MON1B: variants seen among roughly 807,000 people sequenced by gnomAD.
MON1B encodes vacuolar fusion protein MON1 homolog B.
Under a neutral mutation model 45.1 loss-of-function variants are expected in MON1B, and 26 were observed. That is an observed-to-expected ratio of 0.58 (90% CI 0.42 to 0.80). MON1B has a LOEUF of 0.80. Among genes scored for constraint, MON1B ranks in the 30% least tolerant of loss-of-function variants. The probability of loss-of-function intolerance (pLI) is 0.00; values close to 1 mark genes in which losing one functional copy is unlikely to be tolerated. For missense variants in MON1B, 737 were observed against 754.5 expected, an observed-to-expected ratio of 0.98 and a Z score of 0.27; for synonymous variants, 395 against 320.2, an observed-to-expected ratio of 1.23 and a Z score of -2.49.
chr16:77,194,031 T>A lies in MON1B; in HGVS notation c.475+254T>A. 1 of 601,172 alleles carries A rather than the reference T, an allele frequency of 1.7e-6. No individual in the cohort carries two copies. Among genetic ancestry groups the A allele is most frequent in the Non-Finnish European group, 2.9e-6 (1 of 339,016 alleles). 37.2% of individuals were successfully genotyped at this position (601,172 alleles called of 1,614,324 possible). On this transcript the variant is annotated intron_variant, in intron 3 of 5. Transcript: ENST00000248248. This position sits in a 1 kb window ranked among gnomAD's most constrained non-coding sequence, Gnocchi z 8.1. ...TCTGTGTCACCTGAGAGGATAACTGTGGGGGCTGTGTGGTTGAGCTGTGTC... is the reference window on the plus strand; with the variant it reads ...TCTGTGTCACCTGAGAGGATAACTGAGGGGGCTGTGTGGTTGAGCTGTGTC...
chr16:77,194,351 G>A lies in MON1B; in HGVS notation c.492G>A (p.Val164=), dbSNP rs776854701. ...CTTCCCTAGAGGACCACAAGCTGGT[G>A]TTCCTACAACAGGGCCCACTGTTGC... ...RAIYAEDHKL[V]FLQQGPLLLV... The change falls in exon 4 of 6, where the codon GTG becomes GTA. Residue 164 remains valine (V), a synonymous_variant. Coordinates refer to ENST00000248248, the MANE Select transcript of MON1B (RefSeq NM_014940.4). The surrounding 1 kb of genome is among the most constrained non-coding windows in gnomAD (Gnocchi z 8.1). The A allele has an allele frequency of 5.6e-6, 9 of 1,606,776 alleles. No homozygotes were observed. Among genetic ancestry groups the A allele is most frequent in the Middle Eastern group, 3.3e-4 (2 of 6,062 alleles).
At chr16:77,195,801 G>A (rs1482941733) in intron 5 of MON1B, 119 bp downstream of exon 5, 7 of 1,248,860 alleles carry the variant, frequency 5.6e-6, no homozygotes, top group Non-Finnish European at 7.8e-6. Context: ...GCTGGGCTGT[G>A]CCTTGCCTGC....
chr16:77,195,049 C>G lies in MON1B; in HGVS notation c.1190C>G (p.Ala397Gly). 6.2e-7 allele frequency: 1 copy of G among 1,610,958 alleles called. No individual in the cohort carries two copies. The highest frequency in any genetic ancestry group is 2.2e-5 in the East Asian group (1 of 44,858). Residue 397 changes from alanine (A) to glycine (G), a missense_variant, in exon 4 of 6, where the codon GCT becomes GGT. Physicochemically the swap from Ala to Gly is moderately conservative, Grantham distance 60 (BLOSUM62 0). Transcript: ENST00000248248. The stretch of plus-strand genomic sequence containing the variant: ...TTCTCTAATGCCTCATCAGCCAGTG[C>G]TCCTGCCTACAGCGTGCAGGCTGTC... ...ASFSNASSAS[A>G]PAYSVQAVGA... is the part of the protein sequence containing the mutation.
In MON1B at chr16:77,193,114, C is replaced by T. The variant is rs1238709085; in HGVS notation, c.149-337C>T. On this transcript the variant is annotated intron_variant, in intron 2 of 5. Transcript: ENST00000248248. The surrounding 1 kb of genome is among the most constrained non-coding windows in gnomAD (Gnocchi z 5.0). ...GGGATCATTGAAGATGAATAATCGTCATCCAGAGTCAATGGGGTGCTTTGA... is the reference window on the plus strand; with the variant it reads ...GGGATCATTGAAGATGAATAATCGTTATCCAGAGTCAATGGGGTGCTTTGA... Among the ~76,000 whole-genome samples the T allele has an allele frequency of 6.6e-6, 1 of 152,054 alleles. No homozygotes were observed. The highest frequency in any genetic ancestry group is 1.5e-5 in the Non-Finnish European group (1 of 68,002).
intron 4 of MON1B, 111 bp from the exon 5 acceptor site, chr16:77,195,424 G>A: frequency 7.5e-7 from 1 of 1,339,006 alleles, no homozygotes; most frequent in South Asian, 1.5e-5. Flanking sequence ...AAGTCTCATG[G>A]GAGAGGCTCA....
At chr16:77,191,326 G>GA in intron 1 of MON1B, 68 bp downstream of exon 1, 3 of 1,545,686 alleles carry the variant, frequency 1.9e-6, no homozygotes, top group Admixed American at 1.9e-5. Context: ...TTGGAGGGGG[G>GA]ACGTATTTGG....
rs1243476206 is a variant in MON1B, at chr16:77,199,502, G to A, written c.*1194G>A. Reference sequence around the variant, plus strand: ...ATGTGGAGGCGCCAGAAGCTACTGAGGAGGCTGAAGGTAGTGAGGGCAAGT... The same window carrying A: ...ATGTGGAGGCGCCAGAAGCTACTGAAGAGGCTGAAGGTAGTGAGGGCAAGT... On this transcript the variant is annotated 3_prime_UTR_variant, in exon 6 of 6. Transcript: ENST00000248248. The A allele has an allele frequency of 2.6e-6, 4 of 1,551,340 alleles. No individual in the cohort carries two copies. Among genetic ancestry groups the A allele is most frequent in the African/African-American group, 2.7e-5 (2 of 73,046 alleles).
rs573242650 is a variant in MON1B, at chr16:77,201,603, G to C, written c.*3295G>C. 6.6e-6 allele frequency: 1 copy of C among 152,256 alleles called. No homozygotes were observed. Among genetic ancestry groups the C allele is most frequent in the African/African-American group, 2.4e-5 (1 of 41,564 alleles). 9.4% of individuals were successfully genotyped at this position (152,256 alleles called of 1,614,324 possible). ...TCTTCCACTTCGGCAGTGACCATGC[G>C]ATGTAATCAAAGGAGAATACGTAAG... On this transcript the variant is annotated 3_prime_UTR_variant, in exon 6 of 6. Coordinates refer to ENST00000248248, the MANE Select transcript of MON1B (RefSeq NM_014940.4).
chr16:77,198,381 A>G lies in MON1B; in HGVS notation c.*73A>G, dbSNP rs1294185351. 8 of 1,488,462 alleles carry G rather than the reference A, an allele frequency of 5.4e-6. No individual in the cohort carries two copies. The highest frequency in any genetic ancestry group is 1.4e-5 in the African/African-American group (1 of 72,180). The allele number at this position is 1,488,462 out of a possible 1,614,324, so 92.2% of individuals were successfully genotyped here. Reference sequence around the variant, plus strand: ...TTTTTACCTTCTGTCTACCCTGGAAATGTGTGTGGGGGTGTGTCTGTGGCC... The same window carrying G: ...TTTTTACCTTCTGTCTACCCTGGAAGTGTGTGTGGGGGTGTGTCTGTGGCC... On this transcript the variant is annotated 3_prime_UTR_variant, in exon 6 of 6. Coordinates refer to ENST00000248248, the MANE Select transcript of MON1B (RefSeq NM_014940.4).
At chr16:77,196,733 G>A (rs938707315) in intron 5 of MON1B, among the ~76,000 whole-genome samples, 1 of 152,138 alleles carries the variant, frequency 6.6e-6, no homozygotes, top group Non-Finnish European at 1.5e-5. Flanking sequence ...CCAAGATCGC[G>A]CCACTGCACT....
At chr16:77,195,830 A>G (rs2054660184) in intron 5 of MON1B, 148 bp downstream of exon 5, 1 of 925,376 alleles carries the variant, frequency 1.1e-6, no homozygotes, top group Middle Eastern at 2.9e-4. Context: ...CCCTGCCTTT[A>G]CACACACATC....
chr16:77,191,854 A>T (rs1477770069), intron 2 of MON1B, among the ~76,000 whole-genome samples: 1 of 152,068 alleles, frequency 6.6e-6, no homozygotes, highest in African/African-American at 2.4e-5. Flanking sequence ...GTTTGGTGTG[A>T]GTTTAGGTCA....
intron 5 of MON1B, among the ~76,000 whole-genome samples, chr16:77,197,278 C>G (rs916179931): frequency 2.0e-5 from 3 of 152,090 alleles, no homozygotes; most frequent in African/African-American, 7.2e-5. Context: ...GCGCTTGTAT[C>G]CCAGCTACTC....
Position 77,193,976 on chromosome 16 carries a change from T to A in MON1B, c.475+199T>A. ...CCTGCTGGTTTCTTAGTGATTGACT[T>A]GCTGGGATCTCAGTGACTAGCTGGA... On this transcript the variant is annotated intron_variant, in intron 3 of 5. Transcript: ENST00000248248. This position sits in a 1 kb window ranked among gnomAD's most constrained non-coding sequence, Gnocchi z 5.0. 1 of 620,718 alleles carries A rather than the reference T, an allele frequency of 1.6e-6. No individual in the cohort carries two copies. The highest frequency in any genetic ancestry group is 2.8e-6 in the Non-Finnish European group (1 of 356,026). 38.5% of individuals were successfully genotyped at this position (620,718 alleles called of 1,614,324 possible).
Position 77,194,573 on chromosome 16 carries a change from G to A in MON1B, c.714G>A (p.Gln238=). The A allele has an allele frequency of 6.2e-7, 1 of 1,613,996 alleles. No homozygotes were observed. Among genetic ancestry groups the A allele is most frequent in the Non-Finnish European group, 8.5e-7 (1 of 1,179,952 alleles). The change falls in exon 4 of 6, where the codon CAG becomes CAA. Residue 238 remains glutamine, a synonymous_variant. Transcript: ENST00000248248. This position sits in a 1 kb window ranked among gnomAD's most constrained non-coding sequence, Gnocchi z 8.1. ...ACCGACTTCTGGACAGTATGGAGCAGGACCCAGGAGCCCTGCTCCTGGGTG... is the reference window on the plus strand; with the variant it reads ...ACCGACTTCTGGACAGTATGGAGCAAGACCCAGGAGCCCTGCTCCTGGGTG... ...TLDRLLDSME[Q]DPGALLLGAV...
chr16:77,200,294 A>ACACACG lies in MON1B; in HGVS notation c.*1991_*1992insGCACAC, dbSNP rs2054724715. The ACACACG allele has an allele frequency of 6.9e-6, 1 of 144,616 alleles. No individual in the cohort carries two copies. Among genetic ancestry groups the ACACACG allele is most frequent in the Non-Finnish European group, 1.5e-5 (1 of 66,188 alleles). 9.0% of individuals were successfully genotyped at this position (144,616 alleles called of 1,614,324 possible). ...TATGTGTATATATATATATATATAC[A>ACACACG]CACACTAATCAGCCGGGCGCGGTGG... On this transcript the variant is annotated 3_prime_UTR_variant, in exon 6 of 6. Coordinates refer to ENST00000248248, the MANE Select transcript of MON1B (RefSeq NM_014940.4).
rs942872386 is a variant in MON1B, at chr16:77,198,481, G to A, written c.*173G>A. The A allele has an allele frequency of 3.1e-5, 22 of 699,502 alleles. No homozygotes were observed. The African/African-American group carries it at 3.4e-4, about 11-fold the overall frequency. 43.3% of individuals were successfully genotyped at this position (699,502 alleles called of 1,614,324 possible). ...AGAGAGATGGTGGCAGCCGCCAGGCGAGCAGGCTGCTTTCCCTGCCCAGTC... is the reference window on the plus strand; with the variant it reads ...AGAGAGATGGTGGCAGCCGCCAGGCAAGCAGGCTGCTTTCCCTGCCCAGTC... On this transcript the variant is annotated 3_prime_UTR_variant, in exon 6 of 6. Transcript: ENST00000248248.
chr16:77,194,684 G>A lies in MON1B; in HGVS notation c.825G>A (p.Leu275=). ...LRRCTAPGLA[L]SVLAVGGRLI... is the part of the protein sequence containing the mutation. ...GTTGCACAGCGCCTGGCCTGGCGCT[G>A]TCAGTGCTGGCAGTAGGCGGTCGAC... The change falls in exon 4 of 6, where the codon CTG becomes CTA. Residue 275 remains leucine, a synonymous_variant. Transcript: ENST00000248248. The surrounding 1 kb of genome is among the most constrained non-coding windows in gnomAD (Gnocchi z 8.1). The A allele has an allele frequency of 6.2e-7, 1 of 1,613,960 alleles. No homozygotes were observed.
rs147924001 is a variant in MON1B at position 77,193,594 on chromosome 16, G to C, written c.292G>C (p.Gly98Arg). Residue 98 changes from glycine to arginine, a missense_variant, in exon 3 of 6, where the codon GGG becomes CGG. Coordinates refer to ENST00000248248, the MANE Select transcript of MON1B (RefSeq NM_014940.4). The surrounding 1 kb of genome is among the most constrained non-coding windows in gnomAD (Gnocchi z 5.0). ...SPESSSGGQG[G>R]DPSDEEWRSQ... ...TGAGAGTAGCTCTGGAGGCCAGGGC[G>C]GGGACCCCAGTGATGAGGAGTGGCG... The C allele has an allele frequency of 2.2e-5, 35 of 1,614,096 alleles. No homozygotes were observed. Among genetic ancestry groups the C allele is most frequent in the Non-Finnish European group, 2.8e-5 (33 of 1,179,958 alleles).
Sources: gnomAD v4.1 joint callset for allele counts (sites outside exome capture counted in the v4.1 genomes callset) on GRCh38, gnomAD v4.1.1 for gene constraint, Gnocchi (gnomAD v3.1) non-coding constraint, MANE v1.5 for transcripts, NCBI Gene and HGNC (gene_info 2026-07-23, HGNC 2026-07-21) for gene names.